Variants in LCT observed in about 807,000 individuals in gnomAD.
LCT encodes the protein lactase.
Under a neutral mutation model 173.0 loss-of-function variants are expected in LCT, and 90 were observed. The observed-to-expected ratio is 0.52, with a 90% CI of 0.44 to 0.62. The LOEUF (loss-of-function observed/expected upper bound fraction) is 0.62. LCT is among the 20% of genes least tolerant of loss of function. The pLI is 0.00. For synonymous variants in LCT, 853 were observed against 957.6 expected, an observed-to-expected ratio of 0.89 and a Z score of 2.02; for missense variants, 1,864 against 2,431.4, an observed-to-expected ratio of 0.77 and a Z score of 4.91.
At position 135,804,634 on chromosome 2, in the gene LCT, C is replaced by T. The variant is rs143950803; in HGVS notation, c.4464+133G>A. 5.5e-5 allele frequency: 49 copies of T among 883,544 alleles called. No individual in the cohort carries two copies. In the African/African-American group the frequency reaches 5.9e-4, roughly 11 times the overall value. 54.7% of individuals were successfully genotyped at this position (883,544 alleles called of 1,614,324 possible). A position where few individuals can be genotyped will look rare whatever the true frequency, so the allele number is the denominator to read the frequency against. Reference sequence around the variant, plus strand: ...CAGCCTGGGTGACAGAGCGAGACTACGTCTCAAAAACAACAATAACAACAA... The same window carrying T: ...CAGCCTGGGTGACAGAGCGAGACTATGTCTCAAAAACAACAATAACAACAA... On this transcript the variant is annotated intron_variant, in intron 10 of 16. Transcript: ENST00000264162.
chr2:135,796,915 G>A (rs1447344745), intron 13 of LCT, among the ~76,000 whole-genome samples: 1 of 151,854 alleles, frequency 6.6e-6, no homozygotes, highest in African/African-American at 2.4e-5. Flanking sequence ...ACTAGGCCAG[G>A]GTGTGCATTG....
intron 14 of LCT, among the ~76,000 whole-genome samples, chr2:135,792,709 C>T (rs2077542711): frequency 6.6e-6 from 1 of 152,198 alleles, no homozygotes; most frequent in Admixed American, 6.5e-5. Context: ...AGAACCAGCC[C>T]CCTATTCCCC....
intron 13 of LCT, among the ~76,000 whole-genome samples, chr2:135,797,165 C>A (rs1287415054): frequency 6.6e-6 from 1 of 152,134 alleles, no homozygotes; most frequent in South Asian, 2.1e-4. Context: ...CCAGCCTGGT[C>A]TTGAACTCAT....
At chr2:135,803,367 T>C (rs2077643009) in intron 11 of LCT, among the ~76,000 whole-genome samples, 1 of 152,222 alleles carries the variant, frequency 6.6e-6, no homozygotes, top group Non-Finnish European at 1.5e-5. Context: ...TAGGGTCAGA[T>C]GTGTTTTGGA....
intron 3 of LCT, among the ~76,000 whole-genome samples, chr2:135,828,578 C>A (rs768814105): frequency 3.1e-4 from 47 of 152,138 alleles, no homozygotes; most frequent in Non-Finnish European, 7.4e-5. Context: ...AGGAATACTG[C>A]CAGCACTCGG....
intron 1 of LCT, 123 bp downstream of exon 1, chr2:135,836,407 G>T: frequency 1.1e-6 from 1 of 889,734 alleles, no homozygotes; most frequent in Non-Finnish European, 1.9e-6. Flanking sequence ...TTCTCCCTAT[G>T]CACAGACATA....
intron 1 of LCT, among the ~76,000 whole-genome samples, chr2:135,834,787 C>CAAA (rs60298631): frequency 0.59 from 20,036 of 33,998 alleles, 7,535 homozygotes; most frequent in Non-Finnish European, 0.77. Context: ...GACTCCATCT[C>CAAA]AAAAAAAAAA....
chr2:135,808,708 G>C lies in LCT; in HGVS notation c.3639C>G (p.Ile1213Met), dbSNP rs940172090. 6.2e-7 allele frequency: 1 copy of C among 1,614,186 alleles called. No homozygotes were observed. The highest frequency in any genetic ancestry group is 8.5e-7 in the Non-Finnish European group (1 of 1,180,010). Reference protein sequence around the residue: ...VFCLNTYYSRIVQHKTPRLNP... With the variant: ...VFCLNTYYSRMVQHKTPRLNP... ...TTAGCCTGGGTGTTTTGTGCTGCAC[G>C]ATTCTGGAGTAGTACGTGTTGAGGC... Residue 1213 changes from isoleucine (I) to methionine (M), a missense_variant, in exon 8 of 17, where the codon ATC becomes ATG. Ile to Met is a conservative substitution (Grantham distance 10). This residue lies in a region of LCT where 755 missense variants were observed against 926.3 expected (regional missense o/e 0.82). Coordinates refer to ENST00000264162, the MANE Select transcript of LCT (RefSeq NM_002299.4).
At chr2:135,821,826 A>G in intron 5 of LCT, 194 bp downstream of exon 5, 1 of 581,056 alleles carries the variant, frequency 1.7e-6, no homozygotes, top group South Asian at 2.0e-5. Context: ...AGAAAGCAGA[A>G]CCTCGTGAGT....
intron 5 of LCT, among the ~76,000 whole-genome samples, chr2:135,820,966 T>C (rs4954450): frequency 0.51 from 77,532 of 151,518 alleles, 23,972 homozygotes; most frequent in Non-Finnish European, 0.71. Flanking sequence ...CTGCAAGCTC[T>C]GCCTCCAGGG....
intron 2 of LCT, among the ~76,000 whole-genome samples, chr2:135,830,458 T>C (rs763238178): frequency 3.3e-5 from 5 of 152,138 alleles, no homozygotes; most frequent in Non-Finnish European, 5.9e-5. Flanking sequence ...TTACCTGTCT[T>C]ATCCCTCCCA....
intron 11 of LCT, among the ~76,000 whole-genome samples, chr2:135,802,772 A>G (rs751828516): frequency 1.3e-5 from 2 of 152,196 alleles, no homozygotes; most frequent in African/African-American, 4.8e-5. Context: ...GCTAGATAAG[A>G]AGATGAAGTT....
At chr2:135,825,487 C>A (rs373738917) in intron 3 of LCT, among the ~76,000 whole-genome samples, 2 of 152,312 alleles carry the variant, frequency 1.3e-5, no homozygotes, top group South Asian at 2.1e-4. Context: ...TGCCATGAGG[C>A]AGCCGGTGAT....
At chr2:135,823,425 G>A (rs185079078) in intron 4 of LCT, among the ~76,000 whole-genome samples, 21 of 152,296 alleles carry the variant, frequency 1.4e-4, no homozygotes, top group Middle Eastern at 3.4e-3. Context: ...CTTGAGCTGT[G>A]AGTCCTACAC....
rs751586712 is a variant in LCT at position 135,804,981 on chromosome 2, T to C, written c.4250A>G (p.Glu1417Gly). 10 of 1,614,086 alleles carry C rather than the reference T, an allele frequency of 6.2e-6. No individual in the cohort carries two copies. The highest frequency in any genetic ancestry group is 8.5e-6 in the Non-Finnish European group (10 of 1,180,038). Residue 1417 changes from glutamate (E) to glycine (G), a missense_variant, in exon 10 of 17, where the codon GAG becomes GGG. By Grantham distance (98) the Glu-to-Gly change is moderately conservative (BLOSUM62 -2). This residue lies in a region of LCT where 514 missense variants were observed against 750.1 expected (regional missense o/e 0.69). Transcript: ENST00000264162. Reference sequence around the variant, plus strand: ...GGCCACGTCTCCAATGGCATCGTTCTCAACCCTCAGTGGTGTGTGAGAAAA... The same window carrying C: ...GGCCACGTCTCCAATGGCATCGTTCCCAACCCTCAGTGGTGTGTGAGAAAA... ...DTFSHTPLRVENDAIGDVACD... is the reference protein window; with the variant it reads ...DTFSHTPLRVGNDAIGDVACD...
At chr2:135,832,757 T>A (rs183907990) in intron 2 of LCT, among the ~76,000 whole-genome samples, 1 of 152,230 alleles carries the variant, frequency 6.6e-6, no homozygotes, top group East Asian at 1.9e-4. Context: ...GTGCTGGGAT[T>A]ACAGAAGTGA....
intron 14 of LCT, among the ~76,000 whole-genome samples, chr2:135,791,432 C>T (rs193267205): frequency 3.3e-5 from 5 of 152,302 alleles, no homozygotes; most frequent in African/African-American, 1.2e-4. Context: ...CAGTGATGGA[C>T]GAGGAGGTGG....
intron 7 of LCT, among the ~76,000 whole-genome samples, chr2:135,812,060 G>A (rs189021849): frequency 3.9e-5 from 6 of 152,032 alleles, no homozygotes; most frequent in East Asian, 1.9e-4. Flanking sequence ...GCTCTCCAGC[G>A]GGCAACACAG....
rs2077718247 is a variant in LCT, at chr2:135,809,773, A to G, written c.2574T>C (p.Pro858=). The G allele has an allele frequency of 6.2e-7, 1 of 1,614,160 alleles. No individual in the cohort carries two copies. ...CTTTGGAGGGGAGGTTTACTGTATTAGGTGGTAGCAGTCTTTTTGCCCCCT... is the reference window on the plus strand; with the variant it reads ...CTTTGGAGGGGAGGTTTACTGTATTGGGTGGTAGCAGTCTTTTTGCCCCCT... The part of the protein sequence containing the change: ...LTKGAKRLLP[P]NTVNLPSKVR... The change falls in exon 8 of 17, where the codon CCT becomes CCC. Residue 858 remains proline (P), a synonymous_variant. Coordinates refer to ENST00000264162, the MANE Select transcript of LCT (RefSeq NM_002299.4). This position sits in a 1 kb window ranked among gnomAD's most constrained non-coding sequence, Gnocchi z 5.5.
Sources: allele counts gnomAD v4.1 joint callset (sites outside exome capture counted in the v4.1 genomes callset), GRCh38; gene constraint gnomAD v4.1.1; regional missense constraint gnomAD v4.1.1; non-coding constraint Gnocchi (gnomAD v3.1); transcripts MANE v1.5; gene names NCBI Gene and HGNC (gene_info 2026-07-23, HGNC 2026-07-21).